ABCC1: variants seen among roughly 807,000 people sequenced by gnomAD.
ABCC1 encodes the protein ATP binding cassette subfamily C member 1 (ABCC1 blood group), also known as multidrug resistance-associated protein 1.
ABCC1 carries 83 observed loss-of-function variants against 172.9 expected under a neutral mutation model. That is an observed-to-expected ratio of 0.48 (90% confidence interval 0.40 to 0.58). The LOEUF (loss-of-function observed/expected upper bound fraction) is 0.58. Ranked by LOEUF, ABCC1 falls within the 20% of genes least tolerant of loss-of-function variation. The probability of loss-of-function intolerance (pLI) is 0.00; values close to 1 mark genes in which losing one functional copy is unlikely to be tolerated. For missense variants in ABCC1, 1,817 were observed against 2,002.7 expected, an observed-to-expected ratio of 0.91 and a Z score of 1.77; for synonymous variants, 937 against 825.2, an observed-to-expected ratio of 1.14 and a Z score of -2.32.
At chr16:16,124,400 T>TGTGTGG (rs142895934) in intron 24 of ABCC1, among the ~76,000 whole-genome samples, 67,364 of 130,338 alleles carry the variant, frequency 0.52, 19,941 homozygotes, top group Non-Finnish European at 0.62. Context: ...TGTGTGTGTG[T>TGTGTGG]GTGTGTGTGT....
intron 10 of ABCC1, among the ~76,000 whole-genome samples, chr16:16,051,985 A>G (rs2049449355): frequency 1.8e-5 from 2 of 112,962 alleles, no homozygotes; most frequent in African/African-American, 6.1e-5. Context: ...AATCCCAGCT[A>G]CTTGGGAGGC....
chr16:16,105,834 T>G (rs560295025), intron 20 of ABCC1, among the ~76,000 whole-genome samples: 3 of 149,002 alleles, frequency 2.0e-5, no homozygotes, highest in South Asian at 4.3e-4. Context: ...TGATCATCTC[T>G]GGGGGTCTGC....
chr16:15,965,204 G>C (rs1051523248), intron 1 of ABCC1, among the ~76,000 whole-genome samples: 2 of 151,648 alleles, frequency 1.3e-5, no homozygotes, highest in African/African-American at 4.8e-5. Flanking sequence ...ATGTCCAATC[G>C]ATAGTTCCCT....
intron 28 of ABCC1, 37 bp from the exon 29 acceptor site, chr16:16,136,441 G>A (rs1467751242): frequency 1.2e-6 from 2 of 1,607,822 alleles, no homozygotes; most frequent in Non-Finnish European, 1.7e-6. Flanking sequence ...GCGTGACACA[G>A]GTGTCACATG....
At chr16:16,053,478 A>G (rs2049515278) in intron 11 of ABCC1, among the ~76,000 whole-genome samples, 1 of 152,052 alleles carries the variant, frequency 6.6e-6, no homozygotes, top group Non-Finnish European at 1.5e-5. Flanking sequence ...CCCAAGTAAT[A>G]GAGTGATGTT....
At chr16:16,096,939 T>C (rs1200658138) in intron 19 of ABCC1, among the ~76,000 whole-genome samples, 4 of 152,266 alleles carry the variant, frequency 2.6e-5, no homozygotes, top group East Asian at 1.9e-4. Flanking sequence ...GAAAGAACTC[T>C]TGCTACTTTA....
chr16:16,069,492 C>T (rs940294099), intron 13 of ABCC1, among the ~76,000 whole-genome samples: 1 of 152,092 alleles, frequency 6.6e-6, no homozygotes, highest in South Asian at 2.1e-4. Flanking sequence ...TTGGGCACTA[C>T]TGGAAGCTCC....
chr16:15,970,335 C>T (rs904196457), intron 1 of ABCC1, among the ~76,000 whole-genome samples: 5 of 152,308 alleles, frequency 3.3e-5, no homozygotes, highest in African/African-American at 7.2e-5. Context: ...AGGTTGCCTA[C>T]GTCTCTCCTC....
chr16:16,131,494 C>T (rs915651190), intron 26 of ABCC1, among the ~76,000 whole-genome samples: 1 of 152,194 alleles, frequency 6.6e-6, no homozygotes, highest in African/African-American at 2.4e-5. Flanking sequence ...AGACAGAATA[C>T]ACTCAAGCAT....
At chr16:16,052,846 G>GC in intron 11 of ABCC1, 30 bp downstream of exon 11, 3 of 1,608,958 alleles carry the variant, frequency 1.9e-6, no homozygotes, top group Non-Finnish European at 2.6e-6. Flanking sequence ...GGGCCCCCAA[G>GC]CCGGGCCCTA....
chr16:15,966,197 G>A (rs1291514756), intron 1 of ABCC1, among the ~76,000 whole-genome samples: 1 of 151,880 alleles, frequency 6.6e-6, no homozygotes, highest in Non-Finnish European at 1.5e-5. Context: ...GGCGGATCAC[G>A]AGGTCAGGAG....
chr16:15,965,975 G>C (rs534686568), intron 1 of ABCC1, among the ~76,000 whole-genome samples: 1 of 152,238 alleles, frequency 6.6e-6, no homozygotes, highest in African/African-American at 2.4e-5. Context: ...GATGTTCTCA[G>C]GAGTGGAATG....
Position 16,082,456 on chromosome 16 carries a change from C to T in ABCC1, c.2116-910C>T, listed in dbSNP as rs551421328. 1.1e-3 allele frequency among the ~76,000 whole-genome samples: 169 copies of T among 152,312 alleles called. 1 individual carries two copies. The highest frequency in any genetic ancestry group is 6.8e-3 in the Middle Eastern group (2 of 294). On this transcript the variant is annotated intron_variant, in intron 16 of 30. Transcript: ENST00000399410. The stretch of plus-strand genomic sequence containing the variant: ...ATATATAGAGAATTAACTACCTCAG[C>T]ATTTTCATTAGCAAAATACACAAAA...
At chr16:16,028,775 C>T (rs2048462693) in intron 5 of ABCC1, among the ~76,000 whole-genome samples, 1 of 152,126 alleles carries the variant, frequency 6.6e-6, no homozygotes, top group African/African-American at 2.4e-5. Flanking sequence ...ACAAACGACT[C>T]CCATTTTCCA....
intron 8 of ABCC1, 34 bp from the exon 9 acceptor site, chr16:16,045,800 CAA>C (rs770957308): frequency 1.3e-5 from 21 of 1,606,156 alleles, no homozygotes; most frequent in Non-Finnish European, 1.7e-5. Flanking sequence ...CCACGTGTCA[CAA>C]GTCATTCCAG....
chr16:16,115,187 C>A, intron 23 of ABCC1, 111 bp downstream of exon 23: 1 of 1,198,844 alleles, frequency 8.3e-7, no homozygotes, highest in Non-Finnish European at 1.1e-6. Flanking sequence ...GCTTTTGAAG[C>A]ATGTAGATTT....
Position 16,102,701 on chromosome 16 carries a change from G to A in ABCC1, c.2719G>A (p.Gly907Arg), listed in dbSNP as rs1242318409. ...ENGMLVTDSAGKQLQRQLSSS... is the reference protein window; with the variant it reads ...ENGMLVTDSARKQLQRQLSSS... ...TGGCATGCTGGTGACGGACAGTGCA[G>A]GGAAGCAACTGCAGAGGTAAGGGCG... is the stretch of plus-strand genomic sequence containing the variant. The change falls in exon 20 of 31, where the codon GGG becomes AGG. Residue 907 changes from glycine (G) to arginine (R), a missense_variant. Gly to Arg is a moderately radical substitution (Grantham distance 125). Around this residue, in one of 3 missense-constraint regions of ABCC1, gnomAD observed 1,412 missense variants for 1,600.3 expected, o/e 0.88. Coordinates refer to ENST00000399410, the MANE Select transcript of ABCC1 (RefSeq NM_004996.4). 1.9e-6 allele frequency: 3 copies of A among 1,583,276 alleles called. No homozygotes were observed. The highest frequency in any genetic ancestry group is 2.6e-6 in the Non-Finnish European group (3 of 1,164,328).
At chr16:16,062,126 C>T (rs1293611850) in intron 12 of ABCC1, among the ~76,000 whole-genome samples, 1 of 152,150 alleles carries the variant, frequency 6.6e-6, no homozygotes, top group African/African-American at 2.4e-5. Context: ...AGCCAGAGGG[C>T]GCTGGTGATG....
intron 1 of ABCC1, among the ~76,000 whole-genome samples, chr16:15,992,866 C>T (rs1019768047): frequency 2.0e-5 from 3 of 152,176 alleles, no homozygotes; most frequent in Non-Finnish European, 4.4e-5. Flanking sequence ...ATCTTGGGTC[C>T]TAGCTCATTG....
Sources: allele counts gnomAD v4.1 joint callset (sites outside exome capture counted in the v4.1 genomes callset), GRCh38; gene constraint gnomAD v4.1.1; regional missense constraint gnomAD v4.1.1; transcripts MANE v1.5; gene names NCBI Gene and HGNC (gene_info 2026-07-23, HGNC 2026-07-21).